The following DIAPH2 variants were observed in gnomAD, a reference collection of about 807,000 sequenced individuals.
DIAPH2 encodes the protein diaphanous related formin 2.
A neutral mutation model predicts 92.7 loss-of-function variants in DIAPH2; 35 were observed. The observed-to-expected ratio is 0.38, with a 90% CI of 0.29 to 0.50. The LOEUF is 0.50. Ranked by LOEUF, DIAPH2 falls within the 20% of genes least tolerant of loss-of-function variation. DIAPH2 has a pLI of 0.94. For missense variants in DIAPH2, 701 were observed against 819.5 expected, an observed-to-expected ratio of 0.86 and a Z score of 1.77; for synonymous variants, 301 against 280.4, an observed-to-expected ratio of 1.07 and a Z score of -0.73.
intron 26 of DIAPH2, among the ~76,000 whole-genome samples, chrX:97,531,763 A>G (rs924606473): frequency 8.9e-6 from 1 of 112,129 alleles, no homozygotes; most frequent in African/African-American, 3.2e-5. Flanking sequence ...GTCCATCACC[A>G]TTTGGAACAA....
At chrX:97,456,117 G>GC (rs2070401766) in intron 26 of DIAPH2, among the ~76,000 whole-genome samples, 1 of 112,553 alleles carries the variant, frequency 8.9e-6, no homozygotes, top group Non-Finnish European at 1.9e-5. Context: ...GCCGGGCGCG[G>GC]TGGCTCACGC....
chrX:97,119,046 T>A (rs2067036093), intron 21 of DIAPH2, among the ~76,000 whole-genome samples: 1 of 111,552 alleles, frequency 9.0e-6, no homozygotes, highest in Non-Finnish European at 1.9e-5. Context: ...TGAATTCTTT[T>A]TCAGGTAAAT....
At chrX:97,541,734 C>T (rs184647432) in intron 26 of DIAPH2, among the ~76,000 whole-genome samples, 3 of 112,119 alleles carry the variant, frequency 2.7e-5, no homozygotes, top group African/African-American at 9.7e-5. Context: ...GGTGAGCCTA[C>T]ACCTGTTCAT....
chrX:97,285,184 T>C (rs976647977), intron 23 of DIAPH2, among the ~76,000 whole-genome samples: 1 of 110,349 alleles, frequency 9.1e-6, no homozygotes, highest in African/African-American at 3.3e-5. Context: ...CTTCCACCTT[T>C]CTTGTATTTT....
In DIAPH2 at chrX:96,884,851, C is replaced by A. The variant is rs758918264; in HGVS notation, c.587+3133C>A. 174 of 1,208,611 alleles carry A rather than the reference C, an allele frequency of 1.4e-4. No individual in the cohort carries two copies. The highest frequency in any genetic ancestry group is 1.9e-4 in the Non-Finnish European group (167 of 894,647). On this transcript the variant is annotated intron_variant, in intron 5 of 26. Transcript: ENST00000324765. ...TCGTGATACCACTGTAGAAAGTGTG[C>A]CTGTGTCTCCATCAGAAGTGAATGA...
intron 21 of DIAPH2, among the ~76,000 whole-genome samples, chrX:97,116,245 T>C (rs1434777426): frequency 8.9e-6 from 1 of 112,119 alleles, no homozygotes; most frequent in South Asian, 3.7e-4. Context: ...ATAACACTTA[T>C]AGATAATAAT....
chrX:97,511,460 A>C (rs2070892208), intron 26 of DIAPH2, among the ~76,000 whole-genome samples: 1 of 106,766 alleles, frequency 9.4e-6, no homozygotes, highest in Non-Finnish European at 1.9e-5. Context: ...GCAAACAGGG[A>C]CAACTTGACT....
At chrX:96,744,353 G>T (rs866391094) in intron 3 of DIAPH2, among the ~76,000 whole-genome samples, 1 of 112,342 alleles carries the variant, frequency 8.9e-6, no homozygotes, top group Middle Eastern at 4.2e-3. Context: ...TTAGAGAGAG[G>T]CAAGAAAATT....
chrX:97,112,593 T>A (rs938143026), intron 20 of DIAPH2, among the ~76,000 whole-genome samples: 1 of 109,479 alleles, frequency 9.1e-6, no homozygotes, highest in East Asian at 2.9e-4. Flanking sequence ...CTTCCACTTC[T>A]GCGGCCTTTA....
chrX:97,255,430 T>C (rs1339310069), intron 23 of DIAPH2, among the ~76,000 whole-genome samples: 1 of 111,934 alleles, frequency 8.9e-6, no homozygotes, highest in Non-Finnish European at 1.9e-5. Context: ...GGTTTGCCTG[T>C]ACTCTGTTCA....
chrX:96,798,265 C>T (rs1346536505), intron 4 of DIAPH2, among the ~76,000 whole-genome samples: 1 of 111,852 alleles, frequency 8.9e-6, no homozygotes, highest in African/African-American at 3.2e-5. Flanking sequence ...TTTATATTGT[C>T]CATATGTCAC....
At chrX:97,263,747 C>T (rs1030632580) in intron 23 of DIAPH2, among the ~76,000 whole-genome samples, 15 of 108,612 alleles carry the variant, frequency 1.4e-4, no homozygotes, top group Admixed American at 3.0e-4. Context: ...CCACCACGCC[C>T]GGCTAATTTT....
intron 22 of DIAPH2, among the ~76,000 whole-genome samples, chrX:97,221,838 T>C (rs768574435): frequency 9.0e-6 from 1 of 110,636 alleles, no homozygotes; most frequent in East Asian, 2.8e-4. Flanking sequence ...AAAAATGATT[T>C]TGCTCCTTCT....
intron 22 of DIAPH2, among the ~76,000 whole-genome samples, chrX:97,147,659 G>A (rs983239314): frequency 6.3e-5 from 7 of 111,598 alleles, no homozygotes; most frequent in African/African-American, 1.9e-4. Flanking sequence ...TATTTATCCT[G>A]AGGTTTGCAT....
At chrX:97,556,310 G>T (rs912444249) in intron 26 of DIAPH2, among the ~76,000 whole-genome samples, 2 of 112,048 alleles carry the variant, frequency 1.8e-5, no homozygotes, top group Non-Finnish European at 3.8e-5. Flanking sequence ...CTGTTAAGTT[G>T]TTCATCATCC....
At chrX:97,045,042 C>T (rs1317332010) in intron 17 of DIAPH2, among the ~76,000 whole-genome samples, 1 of 111,959 alleles carries the variant, frequency 8.9e-6, no homozygotes, top group Non-Finnish European at 1.9e-5. Context: ...TTCATACTCT[C>T]CTGGGTTTCC....
At chrX:97,125,825 G>A (rs1405547697) in intron 21 of DIAPH2, among the ~76,000 whole-genome samples, 2 of 112,186 alleles carry the variant, frequency 1.8e-5, no homozygotes, top group Non-Finnish European at 3.8e-5. Context: ...ACAGTTAATG[G>A]TTGAATAGTA....
chrX:96,848,144 A>T (rs2064984670), intron 4 of DIAPH2, among the ~76,000 whole-genome samples: 2 of 110,676 alleles, frequency 1.8e-5, no homozygotes, highest in Non-Finnish European at 3.8e-5. Context: ...GGCTTGAGGG[A>T]TCCTGCCATC....
At chrX:97,253,566 C>T (rs1386542447) in intron 23 of DIAPH2, among the ~76,000 whole-genome samples, 1 of 108,431 alleles carries the variant, frequency 9.2e-6, no homozygotes, top group Admixed American at 9.9e-5. Flanking sequence ...GCCAACATGG[C>T]GAGACCCCGT....
Sources: allele counts gnomAD v4.1 joint callset (sites outside exome capture counted in the v4.1 genomes callset), GRCh38; gene constraint gnomAD v4.1.1; transcripts MANE v1.5; gene names NCBI Gene and HGNC (gene_info 2026-07-23, HGNC 2026-07-21).